The following IL4R variants were observed in gnomAD, a reference collection of about 807,000 sequenced individuals.
IL4R encodes interleukin 4 receptor, also known as interleukin-4 receptor subunit alpha.
IL4R carries 17 observed loss-of-function variants against 41.5 expected under a neutral mutation model. The observed-to-expected ratio is 0.41, with a 90% confidence interval of 0.28 to 0.61. IL4R has a LOEUF of 0.61. IL4R is among the 20% of genes least tolerant of loss of function. The pLI, the probability that IL4R is intolerant of heterozygous loss-of-function variation, is 0.31. For missense variants in IL4R, 974 were observed against 1,043.1 expected (o/e 0.93, Z 0.91); for synonymous variants, 402 against 422.9 (o/e 0.95, Z 0.61).
rs371559384 is a variant in IL4R at position 27,340,272 on chromosome 16, T to A, written c.69T>A (p.Ser23=). ...TGGTCCTGCTGCAGGTGGCAAGCTC[T>A]GGTAAGTCACCACTTCTCAATCATT... ...SCLVLLQVAS[S]GNMKVLQEPT... Residue 23 remains serine (S), a splice_region_variant and synonymous_variant, in exon 3 of 11, where the codon TCT becomes TCA. Transcript: ENST00000395762. 1.2e-5 allele frequency: 20 copies of A among 1,612,918 alleles called. No individual in the cohort carries two copies. The highest frequency in any genetic ancestry group is 1.7e-5 in the Non-Finnish European group (20 of 1,178,924).
intron 2 of IL4R, among the ~76,000 whole-genome samples, chr16:27,334,665 G>A (rs892362141): frequency 3.9e-5 from 6 of 152,104 alleles, no homozygotes; most frequent in Admixed American, 3.9e-4. Context: ...CTGTGTAGTT[G>A]TGAGAGTAAA....
intron 1 of IL4R, among the ~76,000 whole-genome samples, chr16:27,323,507 G>T (rs565023626): frequency 1.3e-5 from 2 of 152,336 alleles, no homozygotes; most frequent in Non-Finnish European, 2.9e-5. Flanking sequence ...TCAAATCCCA[G>T]CCCACTCACT....
At chr16:27,357,068 G>A (rs985045086) in intron 8 of IL4R, among the ~76,000 whole-genome samples, 1 of 152,160 alleles carries the variant, frequency 6.6e-6, no homozygotes, top group South Asian at 2.1e-4. Flanking sequence ...TTATTAACAT[G>A]ATTGATGAAA....
Position 27,313,997 on chromosome 16 carries a change from G to C in IL4R, c.-175G>C. Reference sequence around the variant, plus strand: ...CCACTTCCCGCTTGGGCGCCCGGACGGCGAATGGAGCAGGGGCGCGCAGGT... The same window carrying C: ...CCACTTCCCGCTTGGGCGCCCGGACCGCGAATGGAGCAGGGGCGCGCAGGT... On this transcript the variant is annotated 5_prime_UTR_variant, in exon 1 of 11. Coordinates refer to ENST00000395762, the MANE Select transcript of IL4R (RefSeq NM_000418.4). 1 of 984,946 alleles carries C rather than the reference G, an allele frequency of 1.0e-6. No homozygotes were observed. The highest frequency in any genetic ancestry group is 1.2e-6 in the Non-Finnish European group (1 of 829,786). 61.0% of individuals were successfully genotyped at this position (984,946 alleles called of 1,614,324 possible). A position where few individuals can be genotyped will look rare whatever the true frequency, so the allele number is the denominator to read the frequency against.
intron 1 of IL4R, among the ~76,000 whole-genome samples, chr16:27,317,750 AG>A (rs1167062854): frequency 6.6e-6 from 1 of 152,168 alleles, no homozygotes; most frequent in Non-Finnish European, 1.5e-5. Context: ...TGTAATCTGG[AG>A]GAAGTTGTTT....
chr16:27,357,016 C>G (rs1170489073), intron 8 of IL4R, among the ~76,000 whole-genome samples: 2 of 152,102 alleles, frequency 1.3e-5, no homozygotes, highest in Non-Finnish European at 2.9e-5. Flanking sequence ...ATGGGACTAG[C>G]AAGCTCAACC....
In IL4R at chr16:27,362,469, G is replaced by A; in HGVS notation, c.1117G>A (p.Glu373Lys). The part of the protein sequence containing the change: ...ELFEAPVECE[E>K]EEEVEEEKGS... ...GTTTGAGGCCCCGGTGGAGTGTGAGGAGGAGGAGGAGGTAGAGGAAGAAAA... is the reference window on the plus strand; with the variant it reads ...GTTTGAGGCCCCGGTGGAGTGTGAGAAGGAGGAGGAGGTAGAGGAAGAAAA... Residue 373 changes from glutamate (E) to lysine (K), a missense_variant, in exon 11 of 11, where the codon GAG becomes AAG. Transcript: ENST00000395762. 1 of 1,613,930 alleles carries A rather than the reference G, an allele frequency of 6.2e-7. No individual in the cohort carries two copies. The highest frequency in any genetic ancestry group is 8.5e-7 in the Non-Finnish European group (1 of 1,179,890).
chr16:27,325,893 C>G (rs1215369826), intron 1 of IL4R, among the ~76,000 whole-genome samples: 2 of 152,124 alleles, frequency 1.3e-5, no homozygotes, highest in Non-Finnish European at 2.9e-5. Flanking sequence ...GCTGGCTTGT[C>G]ACACGGGCTA....
chr16:27,360,812 G>T lies in IL4R; in HGVS notation c.896G>T (p.Cys299Phe). The change falls in exon 10 of 11, where the codon TGC (cysteine) becomes TTC (phenylalanine). Residue 299 changes from cysteine (C) to phenylalanine (F), a missense_variant. Around this residue, in one of 3 missense-constraint regions of IL4R, gnomAD observed 682 missense variants for 704.3 expected, o/e 0.97. Coordinates refer to ENST00000395762, the MANE Select transcript of IL4R (RefSeq NM_000418.4). ...TCCCGAGGCCAGGAACCAGCCAAGT[G>T]CCCGTATGTATCTGAACTTAGGTCA... ...KRSRGQEPAK[C>F]PHWKNCLTKL... is the part of the protein sequence containing the mutation. 2 of 1,614,164 alleles carry T rather than the reference G, an allele frequency of 1.2e-6. No individual in the cohort carries two copies. Among genetic ancestry groups the T allele is most frequent in the Non-Finnish European group, 1.7e-6 (2 of 1,180,028 alleles).
chr16:27,341,436 G>A, intron 3 of IL4R: 1 of 527,198 alleles, frequency 1.9e-6, no homozygotes, highest in Non-Finnish European at 3.4e-6. Context: ...GTTGTCAGCT[G>A]AGATGGGCGT....
chr16:27,363,686 C>T lies in IL4R; in HGVS notation c.2334C>T (p.Ala778=). 1 of 1,613,998 alleles carries T rather than the reference C, an allele frequency of 6.2e-7. No individual in the cohort carries two copies. Among genetic ancestry groups the T allele is most frequent in the Non-Finnish European group, 8.5e-7 (1 of 1,180,016 alleles). ...CACTGGAGGCCAGTCTGTGTCCGGC[C>T]TCCCTGGCACCCTCGGGCATCTCAG... ...GVPLEASLCP[A]SLAPSGISEK... Residue 778 remains alanine, a synonymous_variant, in exon 11 of 11, where the codon GCC becomes GCT. Coordinates refer to ENST00000395762, the MANE Select transcript of IL4R (RefSeq NM_000418.4).
chr16:27,338,157 A>C (rs1328232180), intron 2 of IL4R, among the ~76,000 whole-genome samples: 1 of 150,972 alleles, frequency 6.6e-6, no homozygotes, highest in Non-Finnish European at 1.5e-5. Flanking sequence ...GGGTTTCACT[A>C]TGTTGGCCAG....
chr16:27,337,648 C>T lies in IL4R; in HGVS notation c.-18-2538C>T, dbSNP rs549263648. 7.3e-5 allele frequency among the ~76,000 whole-genome samples: 11 copies of T among 151,028 alleles called. No individual in the cohort carries two copies. The East Asian group carries it at 2.1e-3, about 29-fold the overall frequency. ...AGCCTAGAGTGCAGTGGTGCCATCTCGGCTCACCACAACCTCCACCTCCTA... is the reference window on the plus strand; with the variant it reads ...AGCCTAGAGTGCAGTGGTGCCATCTTGGCTCACCACAACCTCCACCTCCTA... On this transcript the variant is annotated intron_variant, in intron 2 of 10. Coordinates refer to ENST00000395762, the MANE Select transcript of IL4R (RefSeq NM_000418.4).
chr16:27,333,445 C>T (rs532390533), intron 2 of IL4R, among the ~76,000 whole-genome samples: 27 of 152,092 alleles, frequency 1.8e-4, no homozygotes, highest in East Asian at 3.9e-4. Context: ...ACGGTGGGCT[C>T]GGAAGCAAAC....
At chr16:27,320,761 A>G (rs937511110) in intron 1 of IL4R, among the ~76,000 whole-genome samples, 1 of 152,152 alleles carries the variant, frequency 6.6e-6, no homozygotes, top group African/African-American at 2.4e-5. Flanking sequence ...TTAAAAGGGA[A>G]GACTGAATTC....
chr16:27,361,890 G>A (rs1329591671), intron 10 of IL4R, among the ~76,000 whole-genome samples: 1 of 152,130 alleles, frequency 6.6e-6, no homozygotes, highest in African/African-American at 2.4e-5. Context: ...AAAGTGCTGG[G>A]ATTACAGGCG....
intron 1 of IL4R, among the ~76,000 whole-genome samples, chr16:27,326,227 C>T (rs2084952400): frequency 6.6e-6 from 1 of 152,118 alleles, no homozygotes; most frequent in Non-Finnish European, 1.5e-5. Flanking sequence ...AACGCTCTGG[C>T]AACTTCTTCC....
chr16:27,342,908 T>A (rs1596816760), intron 4 of IL4R, among the ~76,000 whole-genome samples: 1 of 152,256 alleles, frequency 6.6e-6, no homozygotes, highest in African/African-American at 2.4e-5. Context: ...TGTACGCCAG[T>A]GAGAGAGAGT....
chr16:27,349,504 C>T (rs899989125), intron 6 of IL4R, among the ~76,000 whole-genome samples: 1 of 151,976 alleles, frequency 6.6e-6, no homozygotes, highest in Non-Finnish European at 1.5e-5. Flanking sequence ...AAGAAGGGAA[C>T]GGTAGACCAG....
Sources: allele counts gnomAD v4.1 joint callset (sites outside exome capture counted in the v4.1 genomes callset), GRCh38; gene constraint gnomAD v4.1.1; regional missense constraint gnomAD v4.1.1; transcripts MANE v1.5; gene names NCBI Gene and HGNC (gene_info 2026-07-23, HGNC 2026-07-21).